Variants in FOCAD observed in about 807,000 individuals in gnomAD.
FOCAD encodes KIAA1797.
A neutral mutation model predicts 225.6 loss-of-function variants in FOCAD; 198 were observed. That is an observed-to-expected ratio of 0.88 (90% confidence interval 0.78 to 0.99). FOCAD has a LOEUF of 0.99. Ranked by LOEUF, FOCAD falls within the 50% of genes least tolerant of loss-of-function variation. The probability of loss-of-function intolerance (pLI) is 0.00; values close to 1 mark genes in which losing one functional copy is unlikely to be tolerated. For synonymous variants in FOCAD, 897 were observed against 755.0 expected (o/e 1.19, Z -3.08); for missense variants, 2,713 against 2,123.6 (o/e 1.28, Z -5.46).
intron 10 of FOCAD, among the ~76,000 whole-genome samples, chr9:20,787,876 G>T (rs939286237): frequency 6.6e-6 from 1 of 151,880 alleles, no homozygotes; most frequent in South Asian, 2.1e-4. Flanking sequence ...TTTTCACTTG[G>T]GGGAATCTTT....
intron 5 of FOCAD, among the ~76,000 whole-genome samples, chr9:20,742,556 G>C (rs1362708583): frequency 6.6e-6 from 1 of 152,200 alleles, no homozygotes; most frequent in African/African-American, 2.4e-5. Context: ...GCCAGAGTCA[G>C]AACTGCATTT....
intron 5 of FOCAD, among the ~76,000 whole-genome samples, chr9:20,745,795 C>G (rs747740998): frequency 6.6e-6 from 1 of 152,116 alleles, no homozygotes; most frequent in African/African-American, 2.4e-5. Flanking sequence ...GCTGTACTTT[C>G]TGAAATAAGG....
At chr9:20,932,695 T>C (rs192006708) in intron 27 of FOCAD, among the ~76,000 whole-genome samples, 15 of 152,290 alleles carry the variant, frequency 9.8e-5, no homozygotes, top group Non-Finnish European at 2.1e-4. Flanking sequence ...GAAATATATA[T>C]TTGGAATTCC....
At chr9:20,891,117 G>C (rs546940217) in intron 21 of FOCAD, among the ~76,000 whole-genome samples, 1 of 152,008 alleles carries the variant, frequency 6.6e-6, no homozygotes, top group Non-Finnish European at 1.5e-5. Context: ...TTGAAGTTAC[G>C]ATTGTAATTG....
chr9:20,918,695 G>A (rs1259577313), intron 24 of FOCAD, among the ~76,000 whole-genome samples: 3 of 150,336 alleles, frequency 2.0e-5, no homozygotes, highest in Non-Finnish European at 2.9e-5. Context: ...CTGCACTCCA[G>A]CCTGGGTGAC....
intron 2 of FOCAD, chr9:20,716,216 A>G: frequency 2.4e-6 from 1 of 415,890 alleles, no homozygotes; most frequent in Non-Finnish European, 5.5e-6. Flanking sequence ...CCTTACCATG[A>G]AGAAGAAGAT....
chr9:20,898,155 A>C (rs1392900282), intron 21 of FOCAD, among the ~76,000 whole-genome samples: 1 of 151,678 alleles, frequency 6.6e-6, no homozygotes, highest in African/African-American at 2.4e-5. Flanking sequence ...GGCTTTTTTC[A>C]GAATTTAAAA....
intron 15 of FOCAD, among the ~76,000 whole-genome samples, chr9:20,858,016 A>G (rs1287192376): frequency 1.3e-5 from 2 of 150,772 alleles, no homozygotes; most frequent in Admixed American, 6.7e-5. Context: ...GACGTTTCAC[A>G]TCTATGTTTG....
chr9:20,756,050 G>T (rs1472058405), intron 5 of FOCAD, among the ~76,000 whole-genome samples: 2 of 152,138 alleles, frequency 1.3e-5, no homozygotes, highest in Admixed American at 1.3e-4. Flanking sequence ...TTTAGAATTT[G>T]TAATATTTTT....
At chr9:20,791,341 T>A (rs1388049565) in intron 11 of FOCAD, among the ~76,000 whole-genome samples, 2 of 152,110 alleles carry the variant, frequency 1.3e-5, no homozygotes, top group African/African-American at 4.8e-5. Flanking sequence ...TTTTTTCCCC[T>A]TTATTTTTAG....
chr9:20,753,067 A>C (rs564485670), intron 5 of FOCAD, among the ~76,000 whole-genome samples: 8 of 152,198 alleles, frequency 5.3e-5, no homozygotes, highest in African/African-American at 1.7e-4. Flanking sequence ...GGGCTGAGTC[A>C]ATGGGGTTTT....
At chr9:20,967,977 A>G (rs559076945) in intron 35 of FOCAD, among the ~76,000 whole-genome samples, 5 of 152,160 alleles carry the variant, frequency 3.3e-5, no homozygotes, top group Non-Finnish European at 5.9e-5. Flanking sequence ...ATCTCTTAGA[A>G]TAAGTTAGGA....
intron 5 of FOCAD, among the ~76,000 whole-genome samples, chr9:20,749,836 C>T (rs1322481986): frequency 6.6e-6 from 1 of 152,050 alleles, no homozygotes; most frequent in African/African-American, 2.4e-5. Context: ...TTTGATTTGC[C>T]TATCACAGAC....
chr9:20,951,830 A>C (rs1279959954), intron 34 of FOCAD, among the ~76,000 whole-genome samples: 1 of 152,138 alleles, frequency 6.6e-6, no homozygotes, highest in Non-Finnish European at 1.5e-5. Context: ...ATTTTGACCC[A>C]CTGGCTATCT....
At chr9:20,683,907 TA>T (rs1361229550), upstream of FOCAD, 1 of 152,138 alleles carries the variant, frequency 6.6e-6, no homozygotes, top group Non-Finnish European at 1.5e-5. Context: ...AAAAGCTGCA[TA>T]GGGGCAGGCT....
intron 4 of FOCAD, among the ~76,000 whole-genome samples, chr9:20,725,343 T>TAAGC (rs944791476): frequency 5.9e-5 from 9 of 152,244 alleles, no homozygotes; most frequent in African/African-American, 1.9e-4. Context: ...CATGATTGCT[T>TAAGC]ATCTTTGCTT....
At chr9:20,779,445 G>A (rs1418089040) in intron 9 of FOCAD, among the ~76,000 whole-genome samples, 1 of 152,156 alleles carries the variant, frequency 6.6e-6, no homozygotes, top group African/African-American at 2.4e-5. Flanking sequence ...GCTGTTCTTA[G>A]TTTTAAAAAG....
chr9:20,696,919 G>T (rs1049023475), intron 1 of FOCAD, among the ~76,000 whole-genome samples: 1 of 152,182 alleles, frequency 6.6e-6, no homozygotes, highest in Non-Finnish European at 1.5e-5. Flanking sequence ...TGGTGCCAAT[G>T]TAAAAGTCGG....
intron 21 of FOCAD, among the ~76,000 whole-genome samples, chr9:20,891,464 G>A (rs983384970): frequency 3.9e-5 from 6 of 152,196 alleles, no homozygotes; most frequent in Non-Finnish European, 5.9e-5. Context: ...GAAATTAAAT[G>A]TGCTACTCCA....
Sources: allele counts gnomAD v4.1 joint callset (sites outside exome capture counted in the v4.1 genomes callset), GRCh38; gene constraint gnomAD v4.1.1; transcripts MANE v1.5; gene names NCBI Gene and HGNC (gene_info 2026-07-23, HGNC 2026-07-21).